SYT1: variants seen among roughly 807,000 people sequenced by gnomAD.
SYT1 encodes the protein synaptotagmin 1.
SYT1 carries 8 observed loss-of-function variants against 44.8 expected under a neutral mutation model. The observed-to-expected ratio is 0.18, with a 90% CI of 0.10 to 0.32. The LOEUF is 0.32. SYT1 is among the 10% of genes least tolerant of loss of function. SYT1 has a pLI of 1.00. For synonymous variants in SYT1, 154 were observed against 188.8 expected, an observed-to-expected ratio of 0.82 and a Z score of 1.51; for missense variants, 286 against 509.3, an observed-to-expected ratio of 0.56 and a Z score of 4.22.
intron 1 of SYT1, among the ~76,000 whole-genome samples, chr12:78,916,123 G>A (rs987576337): frequency 5.3e-5 from 8 of 151,944 alleles, no homozygotes; most frequent in Non-Finnish European, 1.2e-4. Context: ...GGAAGACTCC[G>A]GTTTCAGTTA....
chr12:79,209,936 T>G (rs118062755), intron 3 of SYT1, among the ~76,000 whole-genome samples: 501 of 152,290 alleles, frequency 3.3e-3, no homozygotes, highest in Non-Finnish European at 5.4e-3. Context: ...ATTAGAAGAC[T>G]TTTTTTAGTA....
At chr12:79,201,544 C>T (rs7301077) in intron 3 of SYT1, among the ~76,000 whole-genome samples, 7,134 of 152,196 alleles carry the variant, frequency 0.047, 326 homozygotes, top group East Asian at 0.12. Context: ...AGTCATCTTT[C>T]GGTGTGACTG....
intron 1 of SYT1, among the ~76,000 whole-genome samples, chr12:78,966,269 A>G (rs1879768987): frequency 6.6e-6 from 1 of 151,846 alleles, no homozygotes; most frequent in Non-Finnish European, 1.5e-5. Flanking sequence ...TTTTTGTATT[A>G]TTTATTTATT....
intron 3 of SYT1, among the ~76,000 whole-genome samples, chr12:79,106,917 A>C (rs1249134512): frequency 6.6e-6 from 1 of 152,084 alleles, no homozygotes; most frequent in Non-Finnish European, 1.5e-5. Flanking sequence ...ATAAATAAAA[A>C]TTGTATACAT....
intron 9 of SYT1, among the ~76,000 whole-genome samples, chr12:79,378,859 ATT>A (rs953267585): frequency 4.6e-5 from 7 of 152,184 alleles, no homozygotes; most frequent in African/African-American, 1.7e-4. Flanking sequence ...CATTAGATGA[ATT>A]TACAGCCCAA....
chr12:78,982,881 C>G (rs1319766104), intron 2 of SYT1, among the ~76,000 whole-genome samples: 1 of 152,136 alleles, frequency 6.6e-6, no homozygotes, highest in Admixed American at 6.6e-5. Context: ...GAGTTCATAC[C>G]TTTGTTTCTT....
intron 9 of SYT1, among the ~76,000 whole-genome samples, chr12:79,442,511 T>TAACA (rs1870484079): frequency 6.6e-6 from 1 of 152,182 alleles, no homozygotes; most frequent in South Asian, 2.1e-4. Context: ...AAAAATCTCC[T>TAACA]AACAACATAT....
rs1042973479 is a variant in SYT1, at chr12:79,361,276, A to G, written c.928+7657A>G. Among the ~76,000 whole-genome samples the G allele has an allele frequency of 3.3e-5, 5 of 152,316 alleles. No homozygotes were observed. In the South Asian group the frequency reaches 8.3e-4, roughly 25 times the overall value. ...TAGATACTATTTTTAATGTGATTTT[A>G]TTGATGATGGAACTGAAGGACAGAG... On this transcript the variant is annotated intron_variant, in intron 9 of 10. Coordinates refer to ENST00000261205, the MANE Select transcript of SYT1 (RefSeq NM_005639.3).
At chr12:78,941,133 C>T (rs1263971842) in intron 1 of SYT1, among the ~76,000 whole-genome samples, 15 of 133,494 alleles carry the variant, frequency 1.1e-4, no homozygotes, top group African/African-American at 2.0e-4. Flanking sequence ...GGCACAGTGG[C>T]GCCATCTCCT....
intron 3 of SYT1, among the ~76,000 whole-genome samples, chr12:79,207,477 G>A (rs1874192565): frequency 1.3e-5 from 2 of 152,106 alleles, no homozygotes; most frequent in African/African-American, 4.8e-5. Flanking sequence ...CCATCACCTA[G>A]GTATTAAGTC....
At chr12:79,419,076 A>G (rs1328744500) in intron 9 of SYT1, among the ~76,000 whole-genome samples, 2 of 152,126 alleles carry the variant, frequency 1.3e-5, no homozygotes, top group Non-Finnish European at 2.9e-5. Context: ...TTCAGCTTAC[A>G]CATCCCACTA....
At chr12:79,202,651 C>G (rs910465006) in intron 3 of SYT1, among the ~76,000 whole-genome samples, 28 of 152,104 alleles carry the variant, frequency 1.8e-4, no homozygotes, top group African/African-American at 6.8e-4. Flanking sequence ...TCCTCCAAGT[C>G]CCCCGGATTT....
intron 9 of SYT1, among the ~76,000 whole-genome samples, chr12:79,440,201 G>A (rs1870330695): frequency 6.6e-6 from 1 of 152,210 alleles, no homozygotes; most frequent in Non-Finnish European, 1.5e-5. Context: ...CTGGGTGAAA[G>A]AGCGAGACTC....
At chr12:78,914,940 C>G (rs1178812732) in intron 1 of SYT1, among the ~76,000 whole-genome samples, 1 of 151,886 alleles carries the variant, frequency 6.6e-6, no homozygotes, top group South Asian at 2.1e-4. Context: ...TTTGGGGATT[C>G]CAAAGAGGGT....
At chr12:79,259,927 C>T (rs1432399464) in intron 4 of SYT1, among the ~76,000 whole-genome samples, 2 of 152,080 alleles carry the variant, frequency 1.3e-5, no homozygotes, top group African/African-American at 4.8e-5. Context: ...TTGATTCCAC[C>T]GTTCCTTATT....
intron 7 of SYT1, among the ~76,000 whole-genome samples, chr12:79,298,902 T>C (rs1253781558): frequency 2.0e-5 from 3 of 152,182 alleles, no homozygotes; most frequent in Non-Finnish European, 2.9e-5. Context: ...GCATAGCCTT[T>C]AATAAATCAT....
At chr12:78,871,802 T>G (rs560826708) in intron 1 of SYT1, among the ~76,000 whole-genome samples, 4 of 152,040 alleles carry the variant, frequency 2.6e-5, no homozygotes, top group Non-Finnish European at 5.9e-5. Flanking sequence ...AGCATTTTCA[T>G]CAGATTTGAA....
intron 3 of SYT1, among the ~76,000 whole-genome samples, chr12:79,195,440 CA>C (rs1428173600): frequency 6.7e-6 from 1 of 149,706 alleles, no homozygotes. Context: ...TAGAGTCTAC[CA>C]GGTGCTTTGA....
intron 3 of SYT1, among the ~76,000 whole-genome samples, chr12:79,117,537 C>G (rs1486395540): frequency 6.6e-6 from 1 of 150,674 alleles, no homozygotes; most frequent in African/African-American, 2.4e-5. Context: ...TTAGCTGCAG[C>G]CACAGTTTCA....
Sources: allele counts gnomAD v4.1 joint callset (sites outside exome capture counted in the v4.1 genomes callset), GRCh38; gene constraint gnomAD v4.1.1; transcripts MANE v1.5; gene names NCBI Gene and HGNC (gene_info 2026-07-23, HGNC 2026-07-21).